The following TMEM212 variants were observed in gnomAD, a reference collection of about 807,000 sequenced individuals.
TMEM212 encodes the protein transmembrane protein 212.
A neutral mutation model predicts 20.5 loss-of-function variants in TMEM212; 23 were observed. The observed-to-expected ratio is 1.12, with a 90% CI of 0.81 to 1.59. The LOEUF (loss-of-function observed/expected upper bound fraction) is 1.59, where lower values mean the gene tolerates loss of function less well. Ranked by LOEUF, TMEM212 falls within the 40% of genes most tolerant of loss-of-function variation. TMEM212 has a pLI of 0.00. For synonymous variants in TMEM212, 76 were observed against 81.6 expected, an observed-to-expected ratio of 0.93 and a Z score of 0.37; for missense variants, 211 against 215.0, an observed-to-expected ratio of 0.98 and a Z score of 0.12.
chr3:171,856,984 G>A (rs971636290), intron 4 of TMEM212: 1 of 248,846 alleles, frequency 4.0e-6, no homozygotes, highest in African/African-American at 2.2e-5. Flanking sequence ...CAAAGTATAG[G>A]GTAGTACCTG....
At chr3:171,852,592 T>C (rs1004716279) in intron 2 of TMEM212, among the ~76,000 whole-genome samples, 1 of 152,234 alleles carries the variant, frequency 6.6e-6, no homozygotes, top group Admixed American at 6.5e-5. Context: ...CCTGTGTTAG[T>C]GCTCCTAAAT....
Position 171,858,646 on chromosome 3 carries a change from C to G in TMEM212, c.*589C>G, listed in dbSNP as rs35240776. On this transcript the variant is annotated 3_prime_UTR_variant, in exon 5 of 5. Transcript: ENST00000334567. ...CAGAGTGAACAGGCAACCTACAGAA[C>G]GGGAGAAAATTTTTTCAATCTACCC... is the stretch of plus-strand genomic sequence containing the variant. 1 of 151,318 alleles carries G rather than the reference C, an allele frequency of 6.6e-6. No individual in the cohort carries two copies. Among genetic ancestry groups the G allele is most frequent in the Non-Finnish European group, 1.5e-5 (1 of 67,964 alleles). The allele number at this position is 151,318 out of a possible 1,614,324, so 9.4% of individuals were successfully genotyped here.
rs2108384104 is a variant in TMEM212 at position 171,858,992 on chromosome 3, C to T, written c.*935C>T. The T allele has an allele frequency of 6.6e-6, 1 of 152,322 alleles. No individual in the cohort carries two copies. Among genetic ancestry groups the T allele is most frequent in the East Asian group, 1.9e-4 (1 of 5,184 alleles). The allele number at this position is 152,322 out of a possible 1,614,324, so 9.4% of individuals were successfully genotyped here. A position where few individuals can be genotyped will look rare whatever the true frequency, so the allele number is the denominator to read the frequency against. On this transcript the variant is annotated 3_prime_UTR_variant, in exon 5 of 5. Coordinates refer to ENST00000334567, the MANE Select transcript of TMEM212 (RefSeq NM_001164436.2). ...GCCATAAAAAAGGATGAGTTCATGT[C>T]CTTTGCAGGGACATAGATGAAGCTG... is the stretch of plus-strand genomic sequence containing the variant.
rs75498172 is a variant in TMEM212, at chr3:171,847,339, T to C, written c.159+3797T>C. Among the ~76,000 whole-genome samples, 1,013 of 152,268 alleles carry C rather than the reference T, an allele frequency of 6.7e-3. 13 individuals are homozygous for C. Among genetic ancestry groups the C allele is most frequent in the African/African-American group, 0.023 (968 of 41,562 alleles). On this transcript the variant is annotated intron_variant, in intron 1 of 4. Coordinates refer to ENST00000334567, the MANE Select transcript of TMEM212 (RefSeq NM_001164436.2). ...GCAGCGCTGTACCCAGAGCCCTGCT[T>C]AGAGAAGGGAATTTGGGAGAAAGGT...
At chr3:171,848,609 G>GAATAGAATAGAATAGAAT (rs199987799) in intron 1 of TMEM212, among the ~76,000 whole-genome samples, 4 of 152,128 alleles carry the variant, frequency 2.6e-5, no homozygotes, top group African/African-American at 9.7e-5. Context: ...GAATAGAATA[G>GAATAGAATAGAATAGAAT]AACAGAGGAG....
In TMEM212 at chr3:171,855,153, T is replaced by C. The variant is rs150497090; in HGVS notation, c.543+1303T>C. Among the ~76,000 whole-genome samples the C allele has an allele frequency of 5.7e-4, 87 of 152,354 alleles. No individual in the cohort carries two copies. The East Asian group carries it at 0.017, about 29-fold the overall frequency. On this transcript the variant is annotated intron_variant, in intron 3 of 4. Transcript: ENST00000334567. ...AGAAGTTTTTAATTTTTAAATTCTA[T>C]GACCTATCTCTTTGACATTCTTCAG...
In TMEM212 at chr3:171,858,791, T is replaced by C. The variant is rs1725179671; in HGVS notation, c.*734T>C. On this transcript the variant is annotated 3_prime_UTR_variant, in exon 5 of 5. Coordinates refer to ENST00000334567, the MANE Select transcript of TMEM212 (RefSeq NM_001164436.2). ...ATGGACACTTCTCAAAAGAAGACAT[T>C]TATGAAGCCAACAGACACACATAAT... The C allele has an allele frequency of 6.6e-6, 1 of 152,088 alleles. No individual in the cohort carries two copies. The highest frequency in any genetic ancestry group is 6.6e-5 in the Admixed American group (1 of 15,244). 9.4% of individuals were successfully genotyped at this position (152,088 alleles called of 1,614,324 possible). A position where few individuals can be genotyped will look rare whatever the true frequency, so the allele number is the denominator to read the frequency against.
intron 1 of TMEM212, among the ~76,000 whole-genome samples, chr3:171,850,960 C>T (rs985580161): frequency 1.3e-5 from 2 of 152,146 alleles, no homozygotes; most frequent in Non-Finnish European, 2.9e-5. Context: ...TATGCCACAT[C>T]CAGCTGCTAC....
intron 1 of TMEM212, among the ~76,000 whole-genome samples, 196 bp from the exon 2 acceptor site, chr3:171,851,786 A>G (rs1468186289): frequency 6.6e-6 from 1 of 152,246 alleles, no homozygotes; most frequent in Non-Finnish European, 1.5e-5. Flanking sequence ...TCATGTCTTT[A>G]TGACACTAAT....
rs1291461277 is a variant in TMEM212, at chr3:171,859,241, T to A, written c.*1184T>A. The A allele has an allele frequency of 6.6e-6, 1 of 152,038 alleles. No homozygotes were observed. Among genetic ancestry groups the A allele is most frequent in the Admixed American group, 6.6e-5 (1 of 15,266 alleles). 9.4% of individuals were successfully genotyped at this position (152,038 alleles called of 1,614,324 possible). A position where few individuals can be genotyped will look rare whatever the true frequency, so the allele number is the denominator to read the frequency against. ...GTGTGGCAAACCAACATGGCACATA[T>A]ATACCTATGCAACAAACCTGCATGT... On this transcript the variant is annotated 3_prime_UTR_variant, in exon 5 of 5. Transcript: ENST00000334567.
At position 171,858,171 on chromosome 3, in the gene TMEM212, A is replaced by C. The variant is rs1349855545; in HGVS notation, c.*114A>C. 1 of 152,216 alleles carries C rather than the reference A, an allele frequency of 6.6e-6. No individual in the cohort carries two copies. The highest frequency in any genetic ancestry group is 1.5e-5 in the Non-Finnish European group (1 of 68,088). 9.4% of individuals were successfully genotyped at this position (152,216 alleles called of 1,614,324 possible). On this transcript the variant is annotated 3_prime_UTR_variant, in exon 5 of 5. Coordinates refer to ENST00000334567, the MANE Select transcript of TMEM212 (RefSeq NM_001164436.2). Reference sequence around the variant, plus strand: ...GCATCACACTACCTGACTTCAAACTATTCTACAAGGCTACAGTTACCAAAA... The same window carrying C: ...GCATCACACTACCTGACTTCAAACTCTTCTACAAGGCTACAGTTACCAAAA...
At position 171,852,570 on chromosome 3, in the gene TMEM212, G is replaced by T. The variant is rs575998191; in HGVS notation, c.219+529G>T. On this transcript the variant is annotated intron_variant, in intron 2 of 4. Transcript: ENST00000334567. ...GTTCCTGTGATCATTATTGTATTTGGGGAGGACAGAGCCTGTGTTAGTGCT... is the reference window on the plus strand; with the variant it reads ...GTTCCTGTGATCATTATTGTATTTGTGGAGGACAGAGCCTGTGTTAGTGCT... 2.2e-4 allele frequency among the ~76,000 whole-genome samples: 34 copies of T among 152,280 alleles called. No homozygotes were observed. In the South Asian group the frequency reaches 4.8e-3, roughly 21 times the overall value.
chr3:171,844,724 G>A (rs1007380618), intron 1 of TMEM212, among the ~76,000 whole-genome samples: 2 of 152,022 alleles, frequency 1.3e-5, no homozygotes, highest in African/African-American at 4.8e-5. Context: ...CAAACAAAAT[G>A]TAGCCACTGT....
intron 2 of TMEM212, among the ~76,000 whole-genome samples, chr3:171,852,766 A>T (rs1725014460): frequency 6.6e-6 from 1 of 152,266 alleles, no homozygotes; most frequent in Non-Finnish European, 1.5e-5. Context: ...ATAAAACCAG[A>T]TAATCCCATG....
At chr3:171,850,196 G>A (rs998336979) in intron 1 of TMEM212, among the ~76,000 whole-genome samples, 8 of 152,126 alleles carry the variant, frequency 5.3e-5, no homozygotes, top group East Asian at 1.9e-4. Flanking sequence ...CATGTCTGGC[G>A]GGGAGCACCA....
At chr3:171,856,349 G>A (rs1346428220) in intron 3 of TMEM212, among the ~76,000 whole-genome samples, 1 of 152,190 alleles carries the variant, frequency 6.6e-6, no homozygotes, top group Admixed American at 6.6e-5. Flanking sequence ...TTATTCCTAA[G>A]AGAACAATCA....
At chr3:171,843,586 G>T (rs1226984684) in intron 1 of TMEM212, 44 bp downstream of exon 1, 96 of 1,457,698 alleles carry the variant, frequency 6.6e-5, no homozygotes, top group Non-Finnish European at 8.6e-5. Context: ...ATAAAAGAAG[G>T]TGGGAGGGAA....
At position 171,853,799 on chromosome 3, in the gene TMEM212, G is replaced by A; in HGVS notation, c.492G>A (p.Leu164=). 1 of 1,536,802 alleles carries A rather than the reference G, an allele frequency of 6.5e-7. No homozygotes were observed. Among genetic ancestry groups the A allele is most frequent in the Non-Finnish European group, 8.7e-7 (1 of 1,146,790 alleles). ...CLSFTLLCTS[L]TVFIKLSARL... ...GCTTTACCCTACTCTGTACATCCTT[G>A]ACAGTGTTCATCAAACTTTCTGCAA... The change falls in exon 3 of 5, where the codon TTG becomes TTA. Residue 164 remains leucine (L), a synonymous_variant. Transcript: ENST00000334567.
chr3:171,851,885 A>G, intron 1 of TMEM212, 97 bp from the exon 2 acceptor site: 1 of 1,094,224 alleles, frequency 9.1e-7, no homozygotes, highest in African/African-American at 1.6e-5. Flanking sequence ...CTGTTCCTTC[A>G]AGTTCATGAT....
Sources: allele counts gnomAD v4.1 joint callset (sites outside exome capture counted in the v4.1 genomes callset), GRCh38; gene constraint gnomAD v4.1.1; transcripts MANE v1.5; gene names NCBI Gene and HGNC (gene_info 2026-07-23, HGNC 2026-07-21).